AGAP1: variants seen among roughly 807,000 people sequenced by gnomAD.
AGAP1 encodes the protein ArfGAP with GTPase domain, ankyrin repeat and PH domain 1.
In AGAP1, 29 loss-of-function variants were observed where a neutral mutation model predicts 105.3. The ratio of observed to expected loss-of-function variants is 0.28; its 90% CI spans 0.21 to 0.38. The LOEUF (loss-of-function observed/expected upper bound fraction) is 0.38. Ranked by LOEUF, AGAP1 falls within the 10% of genes least tolerant of loss-of-function variation. The pLI is 1.00. For synonymous variants in AGAP1, 509 were observed against 485.9 expected, an observed-to-expected ratio of 1.05 and a Z score of -0.63; for missense variants, 998 against 1,165.1, an observed-to-expected ratio of 0.86 and a Z score of 2.09.
intron 1 of AGAP1, among the ~76,000 whole-genome samples, chr2:235,683,889 G>A (rs190048867): frequency 1.2e-4 from 15 of 120,428 alleles, no homozygotes; most frequent in African/African-American, 3.5e-4. Flanking sequence ...GATGTTCCCC[G>A]CCCTGTGTCC....
At chr2:235,884,496 G>A (rs1038719317) in intron 10 of AGAP1, among the ~76,000 whole-genome samples, 73 of 141,978 alleles carry the variant, frequency 5.1e-4, no homozygotes, top group African/African-American at 1.9e-3. Flanking sequence ...TGTCTCCCAG[G>A]CTGGAGTGCA....
chr2:235,696,816 T>G (rs1950021540), intron 1 of AGAP1, among the ~76,000 whole-genome samples: 2 of 152,000 alleles, frequency 1.3e-5, no homozygotes, highest in South Asian at 4.2e-4. Context: ...AAACCCCGTC[T>G]CTACTAAAAA....
chr2:235,717,534 A>G, intron 2 of AGAP1, 23 bp from the exon 3 acceptor site: 1 of 1,579,176 alleles, frequency 6.3e-7, no homozygotes, highest in South Asian at 1.2e-5. Context: ...ATGATGCTTA[A>G]CGGTTGTCCG....
At chr2:235,632,375 G>A (rs1946856981) in intron 1 of AGAP1, among the ~76,000 whole-genome samples, 1 of 152,148 alleles carries the variant, frequency 6.6e-6, no homozygotes. Flanking sequence ...AGCTCTGGGG[G>A]ACTGGGACCT....
At chr2:236,112,319 G>A (rs2059667628) in intron 16 of AGAP1, among the ~76,000 whole-genome samples, 1 of 152,096 alleles carries the variant, frequency 6.6e-6, no homozygotes, top group Non-Finnish European at 1.5e-5. Context: ...AGGAGGCTGA[G>A]GCAGGAGAAT....
intron 6 of AGAP1, among the ~76,000 whole-genome samples, chr2:235,756,295 G>GT (rs926431778): frequency 4.6e-5 from 7 of 152,146 alleles, no homozygotes; most frequent in East Asian, 1.9e-4. Context: ...CAGGATCAGG[G>GT]TTTTTTTGTT....
At chr2:235,846,509 T>TTC (rs959138390) in intron 9 of AGAP1, among the ~76,000 whole-genome samples, 1 of 151,488 alleles carries the variant, frequency 6.6e-6, no homozygotes, top group Non-Finnish European at 1.5e-5. Flanking sequence ...GGTTTTTTTT[T>TTC]TAGTAGAGAC....
chr2:235,886,365 T>C (rs1384649323), intron 10 of AGAP1, among the ~76,000 whole-genome samples: 1 of 152,242 alleles, frequency 6.6e-6, no homozygotes, highest in Non-Finnish European at 1.5e-5. Context: ...CGAAGGGATG[T>C]TTGCTGCTTC....
In AGAP1 at chr2:235,967,889, G is replaced by A. The variant is rs908034454; in HGVS notation, c.1484-573G>A. 2.6e-5 allele frequency among the ~76,000 whole-genome samples: 4 copies of A among 152,048 alleles called. No individual in the cohort carries two copies. In the East Asian group the frequency reaches 7.7e-4, roughly 29 times the overall value. ...CAAAAATTGGCAGGCCTACTATATC[G>A]ACTTCCAAACACTGTCACTGGACAT... On this transcript the variant is annotated intron_variant, in intron 12 of 17. Coordinates refer to ENST00000304032, the MANE Select transcript of AGAP1 (RefSeq NM_001037131.3). The surrounding 1 kb of genome is among the most constrained non-coding windows in gnomAD (Gnocchi z 4.7).
intron 1 of AGAP1, among the ~76,000 whole-genome samples, chr2:235,603,082 C>T (rs1945787262): frequency 6.6e-6 from 1 of 152,116 alleles, no homozygotes; most frequent in African/African-American, 2.4e-5. Context: ...CCATAATTCC[C>T]ACGTGTTGTG....
chr2:235,497,857 A>C (rs550852088), intron 1 of AGAP1, among the ~76,000 whole-genome samples: 1 of 152,058 alleles, frequency 6.6e-6, no homozygotes, highest in Non-Finnish European at 1.5e-5. Flanking sequence ...TGGCCTCCCA[A>C]AGTGCTGGGA....
chr2:235,505,113 G>A (rs1941739461), intron 1 of AGAP1, among the ~76,000 whole-genome samples: 1 of 152,202 alleles, frequency 6.6e-6, no homozygotes, highest in African/African-American at 2.4e-5. Context: ...CTGGATCTGT[G>A]TTGGTCTTTG....
rs982255727 is a variant in AGAP1 at position 236,101,810 on chromosome 2, T to C, written c.2115-18382T>C. ...ACGGCCTCACCCCGCTGGCTCGGGC[T>C]CCCTCTCACTGGGTACACATTTATC... On this transcript the variant is annotated intron_variant, in intron 16 of 17. Coordinates refer to ENST00000304032, the MANE Select transcript of AGAP1 (RefSeq NM_001037131.3). This position sits in a 1 kb window ranked among gnomAD's most constrained non-coding sequence, Gnocchi z 4.9. Among the ~76,000 whole-genome samples, 8 of 152,332 alleles carry C rather than the reference T, an allele frequency of 5.3e-5. 1 individual carries two copies. Among genetic ancestry groups the C allele is most frequent in the Admixed American group, 2.6e-4 (4 of 15,306 alleles).
intron 1 of AGAP1, among the ~76,000 whole-genome samples, chr2:235,581,206 C>T (rs1414501163): frequency 1.3e-5 from 2 of 148,320 alleles, no homozygotes; most frequent in African/African-American, 5.0e-5. Flanking sequence ...ACTTGGGAGG[C>T]TGAGGCAGGA....
Position 235,625,970 on chromosome 2 carries a change from A to C in AGAP1, c.164-83209A>C, listed in dbSNP as rs931722294. Among the ~76,000 whole-genome samples the C allele has an allele frequency of 6.6e-6, 1 of 152,210 alleles. No homozygotes were observed. The highest frequency in any genetic ancestry group is 1.5e-5 in the Non-Finnish European group (1 of 68,044). On this transcript the variant is annotated intron_variant, in intron 1 of 17. Coordinates refer to ENST00000304032, the MANE Select transcript of AGAP1 (RefSeq NM_001037131.3). This position sits in a 1 kb window ranked among gnomAD's most constrained non-coding sequence, Gnocchi z 4.0. ...AATATTAGCAGAGCTATTTGTAAAA[A>C]TAATGCACAGGCATTTGCTGCTGTA...
intron 9 of AGAP1, among the ~76,000 whole-genome samples, chr2:235,838,566 A>G (rs1960441450): frequency 6.6e-6 from 1 of 152,248 alleles, no homozygotes; most frequent in Admixed American, 6.5e-5. Context: ...GACCATATGT[A>G]TGTATTAGCC....
chr2:235,728,299 C>CTGTGTGTGTGTGTGTGTGTG lies in AGAP1; in HGVS notation c.310+10656_310+10657insGTGTGTGTGTGTGTGTGTGT, dbSNP rs1369942234. 1.5e-5 allele frequency among the ~76,000 whole-genome samples: 2 copies of CTGTGTGTGTGTGTGTGTGTG among 134,846 alleles called. No individual in the cohort carries two copies. The highest frequency in any genetic ancestry group is 6.0e-5 in the African/African-American group (2 of 33,610). 88.5% of individuals were successfully genotyped at this position (134,846 alleles called of 152,430 possible). A position where few individuals can be genotyped will look rare whatever the true frequency, so the allele number is the denominator to read the frequency against. ...AGATCTGAAAAGGACTGGGCCCAGA[C>CTGTGTGTGTGTGTGTGTGTG]TCTGTGTGTGTGTGTGTGTGTGTGT... On this transcript the variant is annotated intron_variant, in intron 3 of 17. Coordinates refer to ENST00000304032, the MANE Select transcript of AGAP1 (RefSeq NM_001037131.3). The surrounding 1 kb of genome is among the most constrained non-coding windows in gnomAD (Gnocchi z 4.3).
At chr2:235,817,414 A>G (rs891690579) in intron 9 of AGAP1, among the ~76,000 whole-genome samples, 1 of 152,036 alleles carries the variant, frequency 6.6e-6, no homozygotes, top group African/African-American at 2.4e-5. Flanking sequence ...CATTTTTATC[A>G]GATAGTTTTG....
intron 1 of AGAP1, among the ~76,000 whole-genome samples, chr2:235,519,673 C>T (rs1942542439): frequency 6.6e-6 from 1 of 152,158 alleles, no homozygotes; most frequent in Non-Finnish European, 1.5e-5. Flanking sequence ...AAAATCCAAA[C>T]ACACATATAT....
Sources: gnomAD v4.1 joint callset for allele counts (sites outside exome capture counted in the v4.1 genomes callset) on GRCh38, gnomAD v4.1.1 for gene constraint, Gnocchi (gnomAD v3.1) non-coding constraint, MANE v1.5 for transcripts, NCBI Gene and HGNC (gene_info 2026-07-23, HGNC 2026-07-21) for gene names.